The following NEO1 variants were observed in gnomAD, a reference collection of about 807,000 sequenced individuals.
The protein encoded by NEO1 is neogenin 1, also known as neogenin.
In NEO1, 63 loss-of-function variants were observed where a neutral mutation model predicts 159.7. The ratio of observed to expected loss-of-function variants is 0.39; its 90% CI spans 0.32 to 0.49. The LOEUF (loss-of-function observed/expected upper bound fraction) is 0.49, where lower values mean the gene tolerates loss of function less well. Ranked by LOEUF, NEO1 falls within the 20% of genes least tolerant of loss-of-function variation. The pLI, the probability that NEO1 is intolerant of heterozygous loss-of-function variation, is 0.85. For missense variants in NEO1, 1,615 were observed against 1,831.0 expected (o/e 0.88, Z 2.15); for synonymous variants, 633 against 662.0 (o/e 0.96, Z 0.67).
At chr15:73,248,483 C>G (rs992832517) in intron 9 of NEO1, among the ~76,000 whole-genome samples, 7 of 152,114 alleles carry the variant, frequency 4.6e-5, no homozygotes, top group African/African-American at 1.7e-4. Context: ...CCTATTGACC[C>G]CATTGACTGG....
chr15:73,203,704 A>G (rs188142326), intron 7 of NEO1, among the ~76,000 whole-genome samples: 181 of 152,208 alleles, frequency 1.2e-3, no homozygotes, highest in African/African-American at 4.1e-3. Flanking sequence ...AGACAACACT[A>G]TACTGCTTCA....
rs561276964 is a variant in NEO1, at chr15:73,211,473, T to C, written c.1292-24874T>C. Among the ~76,000 whole-genome samples the C allele has an allele frequency of 3.7e-4, 56 of 152,176 alleles. No individual in the cohort carries two copies. The South Asian group carries it at 0.011, about 31-fold the overall frequency. On this transcript the variant is annotated intron_variant, in intron 7 of 28. Transcript: ENST00000261908. ...GGCTCACGCCTGTAATCCCAGCACT[T>C]TGGGAGGCCGAGGCGGGCGGATCAG...
At chr15:73,288,593 C>G in intron 24 of NEO1, 42 bp downstream of exon 24, 2 of 1,509,218 alleles carry the variant, frequency 1.3e-6, no homozygotes, top group Non-Finnish European at 1.8e-6. Flanking sequence ...TGTTAGGAAA[C>G]TATTTTCATT....
intron 11 of NEO1, 28 bp from the exon 12 acceptor site, chr15:73,253,372 A>G: frequency 7.2e-7 from 1 of 1,386,892 alleles, no homozygotes; most frequent in Non-Finnish European, 9.9e-7. Context: ...TTAAAAAAAA[A>G]ATTTTTTTTT....
intron 1 of NEO1, among the ~76,000 whole-genome samples, chr15:73,074,769 C>T (rs920502569): frequency 2.0e-5 from 3 of 152,100 alleles, no homozygotes; most frequent in African/African-American, 7.2e-5. Context: ...CCAGGAGTCC[C>T]TGGCCTCCTT....
chr15:73,115,888 A>G (rs1206668461), intron 1 of NEO1, among the ~76,000 whole-genome samples: 1 of 152,250 alleles, frequency 6.6e-6, no homozygotes, highest in Non-Finnish European at 1.5e-5. Flanking sequence ...AGAAAATCAC[A>G]AGAGTAATAG....
intron 1 of NEO1, among the ~76,000 whole-genome samples, chr15:73,076,958 A>G (rs2151354459): frequency 6.6e-6 from 1 of 152,342 alleles, no homozygotes; most frequent in Admixed American, 6.5e-5. Flanking sequence ...GTTATCAGAA[A>G]AAGTTCAGAA....
chr15:73,168,426 T>C (rs865857562), intron 5 of NEO1, among the ~76,000 whole-genome samples: 38 of 149,362 alleles, frequency 2.5e-4, no homozygotes, highest in Non-Finnish European at 3.0e-4. Flanking sequence ...CTCGAACTCC[T>C]GACCTCCAGT....
intron 6 of NEO1, among the ~76,000 whole-genome samples, chr15:73,177,700 AC>A (rs2035360109): frequency 6.6e-6 from 1 of 152,074 alleles, no homozygotes; most frequent in Admixed American, 6.5e-5. Context: ...CACTACCATG[AC>A]CAGCCAATTT....
At chr15:73,103,532 G>A (rs1378482453) in intron 1 of NEO1, among the ~76,000 whole-genome samples, 1 of 152,130 alleles carries the variant, frequency 6.6e-6, no homozygotes, top group African/African-American at 2.4e-5. Flanking sequence ...TTCTCTTCAT[G>A]TACGTATGTA....
chr15:73,301,671 C>CTT, intron 28 of NEO1: 1 of 592,674 alleles, frequency 1.7e-6, no homozygotes, highest in South Asian at 2.2e-5. Context: ...CCCATATCCA[C>CTT]TCTTTTTTTT....
chr15:73,100,949 G>A (rs958816220), intron 1 of NEO1, among the ~76,000 whole-genome samples: 2 of 152,100 alleles, frequency 1.3e-5, no homozygotes, highest in South Asian at 2.1e-4. Context: ...ATATTTTAGA[G>A]GCTATTCAAG....
At chr15:73,075,933 G>A (rs2068749375) in intron 1 of NEO1, among the ~76,000 whole-genome samples, 1 of 152,084 alleles carries the variant, frequency 6.6e-6, no homozygotes, top group East Asian at 1.9e-4. Flanking sequence ...TCTTTTGTAA[G>A]TTGTAACCTA....
intron 7 of NEO1, among the ~76,000 whole-genome samples, chr15:73,223,817 G>A (rs369393363): frequency 8.5e-5 from 13 of 152,276 alleles, no homozygotes; most frequent in Admixed American, 3.3e-4. Flanking sequence ...TACATGCATC[G>A]TGCTATTTGT....
chr15:73,098,587 G>A lies in NEO1; in HGVS notation c.131-17953G>A, dbSNP rs2070219355. On this transcript the variant is annotated intron_variant, in intron 1 of 28. Coordinates refer to ENST00000261908, the MANE Select transcript of NEO1 (RefSeq NM_002499.4). Reference sequence around the variant, plus strand: ...TGGTAGAAAATAAACTTATTTTACAGTCTTGCGTACAACTGCATAGTACCT... The same window carrying A: ...TGGTAGAAAATAAACTTATTTTACAATCTTGCGTACAACTGCATAGTACCT... Among the ~76,000 whole-genome samples, 3 of 152,122 alleles carry A rather than the reference G, an allele frequency of 2.0e-5. No individual in the cohort carries two copies. In the South Asian group the frequency reaches 6.2e-4, roughly 32 times the overall value.
intron 1 of NEO1, among the ~76,000 whole-genome samples, chr15:73,091,479 T>A (rs2069687747): frequency 6.6e-6 from 1 of 152,174 alleles, no homozygotes; most frequent in South Asian, 2.1e-4. Context: ...AAATTAGCAG[T>A]GAGCTCAGCA....
rs544982867 is a variant in NEO1, at chr15:73,193,183, T to G, written c.1291+14756T>G. Among the ~76,000 whole-genome samples, 25 of 152,242 alleles carry G rather than the reference T, an allele frequency of 1.6e-4. 1 individual carries two copies. In the South Asian group the frequency reaches 4.6e-3, roughly 28 times the overall value. On this transcript the variant is annotated intron_variant, in intron 7 of 28. Transcript: ENST00000261908. The stretch of plus-strand genomic sequence containing the variant: ...TAAAATTTTAAAAACTAATTTGTTT[T>G]GTTAACCAAGTACTTAATATGTTGA...
chr15:73,230,896 T>TA (rs926280292), intron 7 of NEO1, among the ~76,000 whole-genome samples: 5 of 150,642 alleles, frequency 3.3e-5, no homozygotes, highest in African/African-American at 9.7e-5. Context: ...CCTGGCCTGT[T>TA]AAAAAAATTT....
intron 7 of NEO1, among the ~76,000 whole-genome samples, chr15:73,202,022 G>T (rs182493522): frequency 7.2e-6 from 1 of 138,192 alleles, no homozygotes; most frequent in Non-Finnish European, 1.5e-5. Flanking sequence ...GGAGTGCAAT[G>T]GTGCAATCTC....
Sources: gnomAD v4.1 joint callset for allele counts (sites outside exome capture counted in the v4.1 genomes callset) on GRCh38, gnomAD v4.1.1 for gene constraint, MANE v1.5 for transcripts, NCBI Gene and HGNC (gene_info 2026-07-23, HGNC 2026-07-21) for gene names.